DMD: variants seen among roughly 807,000 people sequenced by gnomAD.
The protein encoded by DMD is mutant dystrophin.
DMD carries 63 observed loss-of-function variants against 330.1 expected under a neutral mutation model. The ratio of observed to expected loss-of-function variants is 0.19; its 90% confidence interval spans 0.16 to 0.24. The LOEUF is 0.24. Ranked by LOEUF, DMD falls within the 10% of genes least tolerant of loss-of-function variation. The probability of loss-of-function intolerance (pLI) is 1.00; values close to 1 mark genes in which losing one functional copy is unlikely to be tolerated. For missense variants in DMD, 3,344 were observed against 2,684.1 expected (o/e 1.25, Z -5.43); for synonymous variants, 1,223 against 959.8 (o/e 1.27, Z -5.07).
At chrX:31,941,586 C>A (rs1251649154) in intron 45 of DMD, among the ~76,000 whole-genome samples, 1 of 111,303 alleles carries the variant, frequency 9.0e-6, no homozygotes, top group Admixed American at 9.6e-5. Context: ...AGTATACGTA[C>A]AGGTTTGTTA....
intron 1 of DMD, among the ~76,000 whole-genome samples, chrX:33,259,640 G>C (rs758730225): frequency 1.2e-5 from 1 of 82,447 alleles, no homozygotes; most frequent in African/African-American, 4.9e-5. Context: ...AAACACTTCT[G>C]GTCGCAAGCA....
intron 1 of DMD, among the ~76,000 whole-genome samples, chrX:33,174,736 G>A (rs1431657012): frequency 9.0e-6 from 1 of 111,583 alleles, no homozygotes; most frequent in Non-Finnish European, 1.9e-5. Flanking sequence ...GGAAATAGAT[G>A]AACATTAGAG....
rs190192402 is a variant in DMD at position 32,127,241 on chromosome X, C to A, written c.6438+89675G>T. 8.9e-4 allele frequency among the ~76,000 whole-genome samples: 100 copies of A among 111,945 alleles called. 1 individual carries two copies. The highest frequency in any genetic ancestry group is 1.9e-3 in the Admixed American group (20 of 10,464). ...AAAATTTAATGTTTGTTCTAGCCAA[C>A]ACACATCTGTTGATAGGACTCTTAC... On this transcript the variant is annotated intron_variant, in intron 44 of 78. Transcript: ENST00000357033.
chrX:31,888,916 A>G (rs2094194196), intron 47 of DMD, among the ~76,000 whole-genome samples: 1 of 112,168 alleles, frequency 8.9e-6, no homozygotes, highest in Non-Finnish European at 1.9e-5. Context: ...TCCTTTTTAA[A>G]GCATGTGGAT....
At chrX:32,431,196 G>A (rs1383740200) in intron 29 of DMD, among the ~76,000 whole-genome samples, 3 of 110,418 alleles carry the variant, frequency 2.7e-5, no homozygotes, top group East Asian at 2.8e-4. Flanking sequence ...GGGTACAAGG[G>A]GCCCTTTTCT....
At chrX:32,018,744 T>C (rs1239426077) in intron 44 of DMD, among the ~76,000 whole-genome samples, 5 of 112,068 alleles carry the variant, frequency 4.5e-5, no homozygotes, top group African/African-American at 6.5e-5. Flanking sequence ...ACATGTTCTA[T>C]AGGAGAAGCA....
In DMD at chrX:32,310,266, C is replaced by A. The variant is rs148135406; in HGVS notation, c.5933G>T (p.Arg1978Leu). 20 of 1,205,826 alleles carry A rather than the reference C, an allele frequency of 1.7e-5. No homozygotes were observed. The African/African-American group carries it at 3.5e-4, about 21-fold the overall frequency. Residue 1978 changes from arginine to leucine, a missense_variant, in exon 42 of 79, where the codon CGT (arginine) becomes CTT (leucine). By Grantham distance (102) the Arg-to-Leu change is moderately radical. Coordinates refer to ENST00000357033, the MANE Select transcript of DMD (RefSeq NM_004006.3). ...AGTCATCACCATCATCGTTTCTTCA[C>A]GGACAGTGTGCTGGTATAGATATAC... ...RLNFAQIHTV[R>L]EETMMVMTED...
At chrX:32,205,960 C>A in intron 44 of DMD, 1 of 405,929 alleles carries the variant, frequency 2.5e-6, no homozygotes, top group Non-Finnish European at 4.5e-6. Context: ...GAACTAAAGG[C>A]CGACAAAGAT....
chrX:33,010,636 A>C (rs181027855), intron 2 of DMD, among the ~76,000 whole-genome samples: 59 of 111,425 alleles, frequency 5.3e-4, no homozygotes, highest in Admixed American at 1.3e-3. Flanking sequence ...AATCAGTATC[A>C]GATTGATTGA....
intron 52 of DMD, among the ~76,000 whole-genome samples, chrX:31,728,180 G>A (rs1789552613): frequency 9.0e-6 from 1 of 111,364 alleles, no homozygotes. Flanking sequence ...CCGCCACCAC[G>A]CCCGGCTAAT....
chrX:32,712,392 C>T (rs1178457915), intron 7 of DMD, among the ~76,000 whole-genome samples: 1 of 111,277 alleles, frequency 9.0e-6, no homozygotes, highest in Non-Finnish European at 1.9e-5. Flanking sequence ...ATGAGTATTA[C>T]TATATATCTA....
At chrX:31,516,200 G>T (rs935379649) in intron 55 of DMD, among the ~76,000 whole-genome samples, 7 of 100,213 alleles carry the variant, frequency 7.0e-5, no homozygotes, top group African/African-American at 2.6e-4. Context: ...TCTGGTATTT[G>T]TAATTTTTAA....
intron 9 of DMD, among the ~76,000 whole-genome samples, chrX:32,691,388 G>A (rs1048725905): frequency 2.7e-5 from 3 of 109,384 alleles, no homozygotes; most frequent in African/African-American, 6.6e-5. Flanking sequence ...CTCCAAAGAC[G>A]ACACCCAAAT....
At chrX:32,767,920 A>G (rs1328682083) in intron 7 of DMD, among the ~76,000 whole-genome samples, 1 of 111,551 alleles carries the variant, frequency 9.0e-6, no homozygotes. Flanking sequence ...ACACCATGCT[A>G]AAGAATCAAT....
At chrX:32,104,015 G>A (rs942646170) in intron 44 of DMD, among the ~76,000 whole-genome samples, 10 of 111,030 alleles carry the variant, frequency 9.0e-5, no homozygotes, top group African/African-American at 1.6e-4. Context: ...AACCGGCCAC[G>A]GCAGCAAACC....
At chrX:32,642,913 A>C (rs2059560294) in intron 11 of DMD, among the ~76,000 whole-genome samples, 1 of 111,308 alleles carries the variant, frequency 9.0e-6, no homozygotes, top group Non-Finnish European at 1.9e-5. Flanking sequence ...ATTTTGTTTG[A>C]GGTTGCTTTA....
At chrX:32,742,680 T>C (rs779063741) in intron 7 of DMD, among the ~76,000 whole-genome samples, 2 of 111,527 alleles carry the variant, frequency 1.8e-5, no homozygotes, top group Non-Finnish European at 3.8e-5. Context: ...AAGTAAATTA[T>C]GAAGATACAA....
chrX:32,364,305 T>A (rs762965713), intron 36 of DMD, among the ~76,000 whole-genome samples: 1 of 112,380 alleles, frequency 8.9e-6, no homozygotes, highest in African/African-American at 3.2e-5. Context: ...AAATTTGCAA[T>A]ATGATTTCAA....
At chrX:32,947,656 T>C in intron 2 of DMD, among the ~76,000 whole-genome samples, 1 of 112,145 alleles carries the variant, frequency 8.9e-6, no homozygotes, top group Middle Eastern at 4.6e-3. Context: ...TAACTTTTCA[T>C]TGAGGAAAGT....
Sources: allele counts gnomAD v4.1 joint callset (sites outside exome capture counted in the v4.1 genomes callset), GRCh38; gene constraint gnomAD v4.1.1; transcripts MANE v1.5; gene names NCBI Gene and HGNC (gene_info 2026-07-23, HGNC 2026-07-21).